The following HSPA12A variants were observed in gnomAD, a reference collection of about 807,000 sequenced individuals.
HSPA12A encodes the protein heat shock 70 kDa protein 12A.
In HSPA12A, 28 loss-of-function variants were observed where a neutral mutation model predicts 69.2. That is an observed-to-expected ratio of 0.40 (90% CI 0.30 to 0.55). HSPA12A has a LOEUF of 0.55. HSPA12A is among the 20% of genes least tolerant of loss of function. The pLI, the probability that HSPA12A is intolerant of heterozygous loss-of-function variation, is 0.38. For missense variants in HSPA12A, 686 were observed against 900.7 expected (o/e 0.76, Z 3.05); for synonymous variants, 345 against 370.5 (o/e 0.93, Z 0.79).
At chr10:116,786,962 C>T (rs934159703) in intron 2 of HSPA12A, among the ~76,000 whole-genome samples, 2 of 149,346 alleles carry the variant, frequency 1.3e-5, no homozygotes, top group Non-Finnish European at 3.0e-5. Context: ...GTTTTAAGTG[C>T]CAATGCCCAA....
intron 2 of HSPA12A, among the ~76,000 whole-genome samples, chr10:116,810,500 T>C (rs1050731003): frequency 6.6e-6 from 1 of 152,228 alleles, no homozygotes; most frequent in African/African-American, 2.4e-5. Context: ...TGCACTTATA[T>C]ATACAGTTCG....
chr10:116,739,658 C>A (rs1482754827), intron 1 of HSPA12A, among the ~76,000 whole-genome samples: 2 of 152,148 alleles, frequency 1.3e-5, no homozygotes, highest in Non-Finnish European at 2.9e-5. Flanking sequence ...TCAGGTCATG[C>A]GGGAGGGGGC....
chr10:116,678,348 C>CAAAAAAAAAA (rs55780024), intron 10 of HSPA12A, among the ~76,000 whole-genome samples: 2 of 59,386 alleles, frequency 3.4e-5, no homozygotes, highest in Non-Finnish European at 5.6e-5. Flanking sequence ...TGCCAACTTG[C>CAAAAAAAAAA]AAAAAAAAAA....
chr10:116,836,171 GGTT>G (rs1484173826), intron 1 of HSPA12A, among the ~76,000 whole-genome samples: 1 of 152,158 alleles, frequency 6.6e-6, no homozygotes, highest in East Asian at 1.9e-4. Flanking sequence ...GGCCCAGGCT[GGTT>G]GTTTAGTGTT....
intron 2 of HSPA12A, among the ~76,000 whole-genome samples, chr10:116,762,346 G>C (rs1383955621): frequency 6.6e-6 from 1 of 152,146 alleles, no homozygotes; most frequent in African/African-American, 2.4e-5. Flanking sequence ...CTGCTGCAAA[G>C]GTGTGTATGT....
In HSPA12A at chr10:116,770,962, G is replaced by C. The variant is rs558219443; in HGVS notation, c.92-63677C>G. 1.3e-4 allele frequency among the ~76,000 whole-genome samples: 20 copies of C among 151,892 alleles called. No individual in the cohort carries two copies. In the South Asian group the frequency reaches 4.2e-3, roughly 32 times the overall value. ...GGCTGCTGCGGGCTGTGTGTGCTGG[G>C]GGAGGGGGCAGTGGACTGCAGGGTT... On this transcript the variant is annotated intron_variant, in intron 2 of 12. Coordinates refer to the HSPA12A transcript ENST00000635765.
chr10:116,824,884 A>G (rs1042595726), intron 2 of HSPA12A, among the ~76,000 whole-genome samples: 2 of 151,750 alleles, frequency 1.3e-5, no homozygotes, highest in Non-Finnish European at 2.9e-5. Context: ...TGCCTGCCTC[A>G]GCCTCCCAAA....
At chr10:116,780,855 T>C (rs781833068) in intron 2 of HSPA12A, among the ~76,000 whole-genome samples, 2 of 152,232 alleles carry the variant, frequency 1.3e-5, no homozygotes, top group Non-Finnish European at 2.9e-5. Flanking sequence ...ATTGCTAACA[T>C]TGTTTGGTTT....
At chr10:116,849,275 C>T (rs1028870830) in intron 1 of HSPA12A, among the ~76,000 whole-genome samples, 7 of 152,224 alleles carry the variant, frequency 4.6e-5, no homozygotes, top group African/African-American at 1.7e-4. Flanking sequence ...ATTTCCCCCT[C>T]TGGAAAATCG....
At chr10:116,783,075 C>G (rs562860846) in intron 2 of HSPA12A, among the ~76,000 whole-genome samples, 1 of 152,310 alleles carries the variant, frequency 6.6e-6, no homozygotes, top group Admixed American at 6.5e-5. Flanking sequence ...TCCACACAGG[C>G]AATGTGTTAA....
chr10:116,698,289 T>G, intron 5 of HSPA12A: 1 of 204,662 alleles, frequency 4.9e-6, no homozygotes, highest in East Asian at 1.1e-4. Context: ...TCTTCTTTCA[T>G]TTCTCTTAGG....
intron 1 of HSPA12A, among the ~76,000 whole-genome samples, chr10:116,737,226 G>A (rs368712038): frequency 6.6e-5 from 10 of 152,234 alleles, no homozygotes; most frequent in African/African-American, 2.2e-4. Context: ...TAACCACTAC[G>A]CTTCCCAAAT....
rs1055173621 is a variant in HSPA12A, at chr10:116,789,741, G to C, written c.91+45194C>G. 2.0e-5 allele frequency among the ~76,000 whole-genome samples: 3 copies of C among 152,156 alleles called. No homozygotes were observed. The South Asian group carries it at 6.2e-4, about 32-fold the overall frequency. ...CAACACGTCGTAGAGTGAAGCTGAC[G>C]TGACTGTTCAGTGCCCGTTTGCATT... On this transcript the variant is annotated intron_variant, in intron 2 of 12. Coordinates refer to the HSPA12A transcript ENST00000635765.
chr10:116,836,385 G>A (rs923326364), intron 1 of HSPA12A, among the ~76,000 whole-genome samples: 8 of 152,142 alleles, frequency 5.3e-5, no homozygotes, highest in South Asian at 2.1e-4. Context: ...ATTGTGTGCC[G>A]CCATGGAGCC....
At chr10:116,680,950 G>A (rs1849383847) in intron 9 of HSPA12A, among the ~76,000 whole-genome samples, 2 of 152,238 alleles carry the variant, frequency 1.3e-5, no homozygotes, top group South Asian at 4.1e-4. Flanking sequence ...CAAAACCCAA[G>A]TTGTGGTGGT....
chr10:116,737,405 C>T (rs115560012), intron 1 of HSPA12A, among the ~76,000 whole-genome samples: 2 of 152,100 alleles, frequency 1.3e-5, no homozygotes, highest in Non-Finnish European at 2.9e-5. Flanking sequence ...GATGCAGCAA[C>T]GTTAAACCCA....
intron 2 of HSPA12A, among the ~76,000 whole-genome samples, chr10:116,815,304 T>A (rs1845280826): frequency 6.7e-6 from 1 of 149,814 alleles, no homozygotes; most frequent in Non-Finnish European, 1.5e-5. Context: ...CAGGGACTCA[T>A]GCCTGCAATC....
intron 2 of HSPA12A, among the ~76,000 whole-genome samples, chr10:116,782,349 C>G (rs58547117): frequency 0.045 from 6,821 of 152,284 alleles, 414 homozygotes; most frequent in African/African-American, 0.14. Context: ...AGCTTTGACA[C>G]AGCAACCCCA....
At chr10:116,814,749 G>C (rs1291414667) in intron 2 of HSPA12A, among the ~76,000 whole-genome samples, 1 of 152,202 alleles carries the variant, frequency 6.6e-6, no homozygotes, top group Non-Finnish European at 1.5e-5. Flanking sequence ...CTGGGAATGA[G>C]TACCACGGAC....
Sources: allele counts gnomAD v4.1 joint callset (sites outside exome capture counted in the v4.1 genomes callset), GRCh38; gene constraint gnomAD v4.1.1; transcripts MANE v1.5; gene names NCBI Gene and HGNC (gene_info 2026-07-23, HGNC 2026-07-21).